SLC45A1: variants seen among roughly 807,000 people sequenced by gnomAD.
SLC45A1 encodes the protein solute carrier family 45 member 1, also known as proton-associated sugar transporter A.
In SLC45A1, 28 loss-of-function variants were observed where a neutral mutation model predicts 57.6. That is an observed-to-expected ratio of 0.49 (90% confidence interval 0.36 to 0.67). The LOEUF (loss-of-function observed/expected upper bound fraction) is 0.67, where lower values mean the gene tolerates loss of function less well. SLC45A1 is among the 30% of genes least tolerant of loss of function. The probability of loss-of-function intolerance (pLI) is 0.00; values close to 1 mark genes in which losing one functional copy is unlikely to be tolerated. For missense variants in SLC45A1, 814 were observed against 1,041.5 expected (o/e 0.78, Z 3.01); for synonymous variants, 459 against 471.5 (o/e 0.97, Z 0.34).
chr1:8,333,046 G>A (rs958510036), intron 5 of SLC45A1, among the ~76,000 whole-genome samples: 12 of 150,228 alleles, frequency 8.0e-5, no homozygotes, highest in Middle Eastern at 3.7e-3. Flanking sequence ...GCAGACGCAC[G>A]TGGGCCGTGT....
chr1:8,336,973 C>G (rs906390414), intron 6 of SLC45A1, among the ~76,000 whole-genome samples: 5 of 152,096 alleles, frequency 3.3e-5, no homozygotes, highest in Non-Finnish European at 7.4e-5. Context: ...CCACTGCTAC[C>G]CTTGCCTCAT....
intron 6 of SLC45A1, among the ~76,000 whole-genome samples, chr1:8,336,860 C>T (rs1251116630): frequency 6.6e-6 from 1 of 152,112 alleles, no homozygotes; most frequent in Non-Finnish European, 1.5e-5. Context: ...AGGAACGGAG[C>T]GCTAAGCACT....
rs745813020 is a variant in SLC45A1, at chr1:8,335,532, C to T, written c.1539C>T (p.Cys513=). The T allele has an allele frequency of 3.1e-6, 5 of 1,606,036 alleles. No homozygotes were observed. Among genetic ancestry groups the T allele is most frequent in the African/African-American group, 1.3e-5 (1 of 74,908 alleles). Residue 513 remains cysteine (C), a synonymous_variant, in exon 6 of 9, where the codon TGC becomes TGT. Transcript: ENST00000471889. The surrounding 1 kb of genome is among the most constrained non-coding windows in gnomAD (Gnocchi z 4.1). The part of the protein sequence containing the change: ...AEQPLSVGRL[C]STICNMPKAL... ...AGCCTCTGTCCGTGGGGCGCCTCTG[C>T]TCCACCATCTGCAACATGCCCAAGG...
intron 6 of SLC45A1, among the ~76,000 whole-genome samples, chr1:8,337,174 G>T (rs1449134983): frequency 6.6e-6 from 1 of 152,202 alleles, no homozygotes; most frequent in Non-Finnish European, 1.5e-5. Context: ...AGGTGCAAAG[G>T]CACATCTTAC....
chr1:8,322,211 A>G (rs1457916696), intron 1 of SLC45A1, among the ~76,000 whole-genome samples: 1 of 117,532 alleles, frequency 8.5e-6, no homozygotes, highest in Non-Finnish European at 1.8e-5. Flanking sequence ...GGGTGGATGG[A>G]TGGGTGGATG....
chr1:8,319,096 C>A (rs927304777), intron 1 of SLC45A1, among the ~76,000 whole-genome samples: 4 of 152,146 alleles, frequency 2.6e-5, no homozygotes, highest in Non-Finnish European at 4.4e-5. Flanking sequence ...GCCTGGCCAA[C>A]ATGGTGAAAC....
At position 8,339,630 on chromosome 1, in the gene SLC45A1, G is replaced by A. The variant is rs760480574; in HGVS notation, c.1912G>A (p.Gly638Arg). Reference protein sequence around the residue: ...YVVLSLCITYGILFSTLCTLP... With the variant: ...YVVLSLCITYRILFSTLCTLP... ...GGTCCTGTCGCTCTGCATAACCTAC[G>A]GGATTTTATTTTCCACCCTGTGCAC... The change falls in exon 8 of 9, where the codon GGG becomes AGG. Residue 638 changes from glycine to arginine, a missense_variant. Gly to Arg is a moderately radical substitution (Grantham distance 125). Coordinates refer to ENST00000471889, the MANE Select transcript of SLC45A1 (RefSeq NM_001080397.3). The A allele has an allele frequency of 2.5e-6, 4 of 1,614,088 alleles. No individual in the cohort carries two copies. The highest frequency in any genetic ancestry group is 3.4e-6 in the Non-Finnish European group (4 of 1,180,042).
chr1:8,338,089 G>C (rs372357330), intron 7 of SLC45A1, 97 bp downstream of exon 7: 1 of 1,143,200 alleles, frequency 8.7e-7, no homozygotes, highest in East Asian at 2.4e-5. Flanking sequence ...TACGATTGCA[G>C]ACACCACATC....
rs2124303721 is a variant in SLC45A1, at chr1:8,330,383, G to A, written c.890G>A (p.Ser297Asn). The A allele has an allele frequency of 6.2e-7, 1 of 1,612,878 alleles. No individual in the cohort carries two copies. Among genetic ancestry groups the A allele is most frequent in the Non-Finnish European group, 8.5e-7 (1 of 1,179,904 alleles). ...SIPERPLRPP[S>N]EKRAAMKSPS... ...CCTGAGAGGCCGCTGCGGCCGCCGA[G>A]TGAGAAGCGGGCAGCCATGAAGAGC... The change falls in exon 5 of 9, where the codon AGT becomes AAT. Residue 297 changes from serine (S) to asparagine (N), a missense_variant. Transcript: ENST00000471889. This position sits in a 1 kb window ranked among gnomAD's most constrained non-coding sequence, Gnocchi z 8.4.
chr1:8,339,501 G>A lies in SLC45A1; in HGVS notation c.1783G>A (p.Glu595Lys), dbSNP rs1191402661. 6.2e-7 allele frequency: 1 copy of A among 1,614,136 alleles called. No homozygotes were observed. Among genetic ancestry groups the A allele is most frequent in the Non-Finnish European group, 8.5e-7 (1 of 1,180,026 alleles). The change falls in exon 8 of 9, where the codon GAG becomes AAG. Residue 595 changes from glutamate (E) to lysine (K), a missense_variant. By Grantham distance (56) the Glu-to-Lys change is moderately conservative (BLOSUM62 1). Coordinates refer to ENST00000471889, the MANE Select transcript of SLC45A1 (RefSeq NM_001080397.3). ...FSAAFYSAIL[E>K]KLEEFLSVRT... ...CTCTCTGTGGCCCGCAGCTATCCTG[G>A]AGAAGCTGGAGGAGTTCCTCAGCGT... is the stretch of plus-strand genomic sequence containing the variant.
At chr1:8,341,780 C>T (rs1427905570) in intron 8 of SLC45A1, among the ~76,000 whole-genome samples, 1 of 151,824 alleles carries the variant, frequency 6.6e-6, no homozygotes, top group Non-Finnish European at 1.5e-5. Flanking sequence ...ATTAGCCAGG[C>T]ATGGTGGCCC....
Position 8,327,261 on chromosome 1 carries a change from A to G in SLC45A1, c.715+1219A>G, listed in dbSNP as rs1416972359. 6.6e-6 allele frequency among the ~76,000 whole-genome samples: 1 copy of G among 152,186 alleles called. No homozygotes were observed. The highest frequency in any genetic ancestry group is 1.5e-5 in the Non-Finnish European group (1 of 68,036). On this transcript the variant is annotated intron_variant, in intron 4 of 8. Transcript: ENST00000471889. This position sits in a 1 kb window ranked among gnomAD's most constrained non-coding sequence, Gnocchi z 4.3. Reference sequence around the variant, plus strand: ...ACACACACACGACTATATCCATACCATGCATATATGTATGTATATATACAT... The same window carrying G: ...ACACACACACGACTATATCCATACCGTGCATATATGTATGTATATATACAT...
Position 8,330,234 on chromosome 1 carries a change from G to T in SLC45A1, c.741G>T (p.Val247=), listed in dbSNP as rs191155736. 1 of 1,613,858 alleles carries T rather than the reference G, an allele frequency of 6.2e-7. No individual in the cohort carries two copies. The highest frequency in any genetic ancestry group is 2.2e-5 in the East Asian group (1 of 44,858). Residue 247 remains valine (V), a synonymous_variant, in exon 5 of 9, where the codon GTG becomes GTT. Transcript: ENST00000471889. The surrounding 1 kb of genome is among the most constrained non-coding windows in gnomAD (Gnocchi z 8.4). Reference sequence around the variant, plus strand: ...GTCTCGGAGGAGGCTTTGGATACGTGGTCGGCGGAATCCACTGGGATAAAA... The same window carrying T: ...GTCTCGGAGGAGGCTTTGGATACGTTGTCGGCGGAATCCACTGGGATAAAA... ...LAGLGGGFGY[V]VGGIHWDKTG...
At chr1:8,323,944 A>G (rs188755393) in intron 1 of SLC45A1, among the ~76,000 whole-genome samples, 193 of 152,320 alleles carry the variant, frequency 1.3e-3, no homozygotes, top group African/African-American at 4.2e-3. Flanking sequence ...TAGCCCTGGA[A>G]ATGGGCCGCA....
chr1:8,343,620 C>T lies in SLC45A1; in HGVS notation c.1981-127C>T, dbSNP rs772039006. ...TGGCTGAACTCCCTGTGCATGTTGG[C>T]GCTGAAAAATGTGAGGCCGCTGTGT... On this transcript the variant is annotated intron_variant, in intron 8 of 8. Coordinates refer to ENST00000471889, the MANE Select transcript of SLC45A1 (RefSeq NM_001080397.3). The surrounding 1 kb of genome is among the most constrained non-coding windows in gnomAD (Gnocchi z 7.7). The T allele has an allele frequency of 2.8e-5, 26 of 937,848 alleles. No homozygotes were observed. The highest frequency in any genetic ancestry group is 2.6e-4 in the South Asian group (16 of 60,900). 58.1% of individuals were successfully genotyped at this position (937,848 alleles called of 1,614,324 possible).
At position 8,325,682 on chromosome 1, in the gene SLC45A1, C is replaced by T; in HGVS notation, c.491-136C>T. 1 of 807,480 alleles carries T rather than the reference C, an allele frequency of 1.2e-6. No homozygotes were observed. The allele number at this position is 807,480 out of a possible 1,614,324, so 50.0% of individuals were successfully genotyped here. A position where few individuals can be genotyped will look rare whatever the true frequency, so the allele number is the denominator to read the frequency against. On this transcript the variant is annotated intron_variant, in intron 3 of 8. Transcript: ENST00000471889. The surrounding 1 kb of genome is among the most constrained non-coding windows in gnomAD (Gnocchi z 6.3). The stretch of plus-strand genomic sequence containing the variant: ...AAATATATGGTGAGTTTGCAGGCGG[C>T]TTTTCCACCGGGCTGTGCTTGAGGT...
rs1640269120 is a variant in SLC45A1 at position 8,328,474 on chromosome 1, G to A, written c.716-1735G>A. 2.6e-5 allele frequency among the ~76,000 whole-genome samples: 4 copies of A among 152,244 alleles called. No homozygotes were observed. The highest frequency in any genetic ancestry group is 9.6e-5 in the African/African-American group (4 of 41,454). ...TGCTGGGCTTGGCAGAGAGGAAGAA[G>A]GACGTCGGTTTTTACCTTACGCCCG... is the stretch of plus-strand genomic sequence containing the variant. On this transcript the variant is annotated intron_variant, in intron 4 of 8. Coordinates refer to ENST00000471889, the MANE Select transcript of SLC45A1 (RefSeq NM_001080397.3). The surrounding 1 kb of genome is among the most constrained non-coding windows in gnomAD (Gnocchi z 4.6).
rs969087259 is a variant in SLC45A1, at chr1:8,335,244, C to A, written c.1444-193C>A. Among the ~76,000 whole-genome samples the A allele has an allele frequency of 3.9e-5, 6 of 152,238 alleles. No individual in the cohort carries two copies. The highest frequency in any genetic ancestry group is 8.8e-5 in the Non-Finnish European group (6 of 68,048). On this transcript the variant is annotated intron_variant, in intron 5 of 8. Transcript: ENST00000471889. This position sits in a 1 kb window ranked among gnomAD's most constrained non-coding sequence, Gnocchi z 4.1. ...AATTCTAGCCTTAGCTGCTCCGGGG[C>A]CTCGGAAACAATGCCCTGAATTTGT...
intron 8 of SLC45A1, among the ~76,000 whole-genome samples, chr1:8,342,927 A>G (rs1640877059): frequency 6.6e-6 from 1 of 151,532 alleles, no homozygotes; most frequent in South Asian, 2.1e-4. Flanking sequence ...AGAGAAAAGA[A>G]AGAAAGAAAA....
Sources: gnomAD v4.1 joint callset for allele counts (sites outside exome capture counted in the v4.1 genomes callset) on GRCh38, gnomAD v4.1.1 for gene constraint, Gnocchi (gnomAD v3.1) non-coding constraint, MANE v1.5 for transcripts, NCBI Gene and HGNC (gene_info 2026-07-23, HGNC 2026-07-21) for gene names.